MAPK12: variants seen among roughly 807,000 people sequenced by gnomAD.
MAPK12 encodes the protein mitogen-activated protein kinase 12, also known as MAP kinase 12.
MAPK12 carries 49 observed loss-of-function variants against 49.1 expected under a neutral mutation model. The observed-to-expected ratio is 1.00, with a 90% CI of 0.79 to 1.27. The LOEUF (loss-of-function observed/expected upper bound fraction) is 1.27. MAPK12 is among the 50% of genes most tolerant of loss of function. The pLI is 0.00. For missense variants in MAPK12, 554 were observed against 502.4 expected, an observed-to-expected ratio of 1.10 and a Z score of -0.98; for synonymous variants, 251 against 209.7, an observed-to-expected ratio of 1.20 and a Z score of -1.70.
At chr22:50,256,504 C>T (rs1473962154) in intron 6 of MAPK12, 95 bp downstream of exon 6, 1 of 1,485,530 alleles carries the variant, frequency 6.7e-7, no homozygotes, top group African/African-American at 1.4e-5. Flanking sequence ...AGCCTGGGAC[C>T]TTGGCCCCCT....
intron 11 of MAPK12, 21 bp from the exon 12 acceptor site, chr22:50,253,501 G>GGGAGA: frequency 2.8e-6 from 1 of 354,170 alleles, no homozygotes; most frequent in Non-Finnish European, 5.6e-6. Context: ...TGGGGGGGCG[G>GGGAGA]GCACAACAGA....
chr22:50,259,756 C>T (rs969286039), intron 2 of MAPK12, among the ~76,000 whole-genome samples: 3 of 151,800 alleles, frequency 2.0e-5, no homozygotes, highest in South Asian at 2.1e-4. Flanking sequence ...TGGTGGCGCG[C>T]GCCTGTAATC....
In MAPK12 at chr22:50,258,280, A is replaced by C. The variant is rs1569143397; in HGVS notation, c.277T>G (p.Phe93Val). The C allele has an allele frequency of 3.1e-6, 5 of 1,613,100 alleles. No homozygotes were observed. Among genetic ancestry groups the C allele is most frequent in the Non-Finnish European group, 4.2e-6 (5 of 1,179,986 alleles). ...TCATCCAGGGTCTCATCAGGAGTGA[A>C]TACGTCCAGCAGCCCGATCACCTGG... ...HENVIGLLDV[F>V]TPDETLDDFT... Residue 93 changes from phenylalanine (F) to valine (V), a missense_variant, in exon 3 of 12, where the codon TTC (phenylalanine) becomes GTC (valine). By Grantham distance (50) the Phe-to-Val change is conservative (BLOSUM62 -1). Coordinates refer to ENST00000215659, the MANE Select transcript of MAPK12 (RefSeq NM_002969.6).
chr22:50,255,489 C>T lies in MAPK12; in HGVS notation c.814G>A (p.Asp272Asn), dbSNP rs1187211689. 3.7e-6 allele frequency: 6 copies of T among 1,613,062 alleles called. No homozygotes were observed. In the African/African-American group the frequency reaches 5.3e-5, roughly 14 times the overall value. ...MKGLPELEKK[D>N]FASILTNASP... The stretch of plus-strand genomic sequence containing the variant: ...GCATTGGTCAGGATAGAGGCAAAAT[C>T]CTTCTTCTCCAATTCGGGGAGGCCC... Residue 272 changes from aspartate (D) to asparagine (N), a missense_variant, in exon 10 of 12, where the codon GAT becomes AAT. By Grantham distance (23) the Asp-to-Asn change is conservative. Coordinates refer to ENST00000215659, the MANE Select transcript of MAPK12 (RefSeq NM_002969.6).
chr22:50,253,501 G>T, intron 11 of MAPK12, 21 bp from the exon 12 acceptor site: 1 of 354,164 alleles, frequency 2.8e-6, no homozygotes, highest in South Asian at 2.1e-5. Context: ...TGGGGGGGCG[G>T]GCACAACAGA....
Position 50,258,239 on chromosome 22 carries a change from T to C in MAPK12, c.314+4A>G. 1 of 1,612,974 alleles carries C rather than the reference T, an allele frequency of 6.2e-7. No individual in the cohort carries two copies. Among genetic ancestry groups the C allele is most frequent in the Non-Finnish European group, 8.5e-7 (1 of 1,179,930 alleles). On this transcript the variant is annotated splice_donor_region_variant and intron_variant, in intron 3 of 11. Coordinates refer to ENST00000215659, the MANE Select transcript of MAPK12 (RefSeq NM_002969.6). ...CCCAGCGGCCAGCCCAGGTCGGCAC[T>C]CACAAGTCCGTGAAGTCATCCAGGG... is the stretch of plus-strand genomic sequence containing the variant.
At chr22:50,257,982 C>T (rs911163531) in intron 3 of MAPK12, 8 of 754,892 alleles carry the variant, frequency 1.1e-5, no homozygotes, top group Middle Eastern at 2.4e-4. Flanking sequence ...TTCACACCTC[C>T]GGTGCTGGAG....
Position 50,255,438 on chromosome 22 carries a change from A to G in MAPK12, c.850+15T>C, listed in dbSNP as rs1348967091. On this transcript the variant is annotated intron_variant, in intron 10 of 11. Coordinates refer to ENST00000215659, the MANE Select transcript of MAPK12 (RefSeq NM_002969.6). ...CACTCCAGCACCCGGTGGCCCCCAC[A>G]CTAGCCAGCCGTACCCAGAGGGCTT... 12 of 1,612,860 alleles carry G rather than the reference A, an allele frequency of 7.4e-6. No homozygotes were observed. The East Asian group carries it at 1.1e-4, about 15-fold the overall frequency.
chr22:50,253,214 C>T lies in MAPK12; in HGVS notation c.*187G>A, dbSNP rs780030895. ...AGGTCTTGTCCAGAAAGTTCAGGTG[C>T]TCCTCCATGATGGGCGCCCAAGAGC... On this transcript the variant is annotated 3_prime_UTR_variant, in exon 12 of 12. Transcript: ENST00000215659. The T allele has an allele frequency of 1.3e-5, 8 of 637,078 alleles. No homozygotes were observed. The highest frequency in any genetic ancestry group is 2.3e-5 in the Non-Finnish European group (8 of 349,846). The allele number at this position is 637,078 out of a possible 1,614,324, so 39.5% of individuals were successfully genotyped here.
rs2147255824 is a variant in MAPK12 at position 50,255,483 on chromosome 22, C to T, written c.820G>A (p.Ala274Thr). 4.3e-6 allele frequency: 7 copies of T among 1,613,162 alleles called. No individual in the cohort carries two copies. The highest frequency in any genetic ancestry group is 5.9e-6 in the Non-Finnish European group (7 of 1,180,002). ...GLPELEKKDF[A>T]SILTNASPLA... ...GGGCTTGCATTGGTCAGGATAGAGG[C>T]AAAATCCTTCTTCTCCAATTCGGGG... is the stretch of plus-strand genomic sequence containing the variant. The change falls in exon 10 of 12, where the codon GCC (alanine) becomes ACC (threonine). Residue 274 changes from alanine (A) to threonine (T), a missense_variant. By Grantham distance (58) the Ala-to-Thr change is moderately conservative. Coordinates refer to ENST00000215659, the MANE Select transcript of MAPK12 (RefSeq NM_002969.6).
intron 9 of MAPK12, 37 bp downstream of exon 9, chr22:50,255,578 G>GGGCCC: frequency 1.9e-6 from 3 of 1,581,950 alleles, no homozygotes; most frequent in Non-Finnish European, 2.6e-6. Flanking sequence ...GCCCAGGTCC[G>GGGCCC]CCCCCACCCC....
chr22:50,260,979 C>A (rs2065206192), intron 2 of MAPK12, 188 bp downstream of exon 2: 2 of 614,678 alleles, frequency 3.3e-6, no homozygotes, highest in South Asian at 4.7e-5. Flanking sequence ...GGGGAACGGC[C>A]CTTGGGGGAG....
At chr22:50,254,931 G>A (rs979478509) in intron 11 of MAPK12, 11 of 1,358,586 alleles carry the variant, frequency 8.1e-6, no homozygotes, top group Admixed American at 6.1e-5. Context: ...CCAGCCAGAG[G>A]TCATCTCCAC....
intron 2 of MAPK12, among the ~76,000 whole-genome samples, chr22:50,259,597 G>A (rs1033339782): frequency 2.6e-5 from 4 of 152,138 alleles, no homozygotes; most frequent in Admixed American, 2.6e-4. Context: ...AAAAGCCCCG[G>A]TGGAGCCCGG....
rs773318039 is a variant in MAPK12, at chr22:50,256,977, G to A, written c.427-13C>T. On this transcript the variant is annotated splice_polypyrimidine_tract_variant and intron_variant, in intron 4 of 11. Coordinates refer to ENST00000215659, the MANE Select transcript of MAPK12 (RefSeq NM_002969.6). The stretch of plus-strand genomic sequence containing the variant: ...CAGCGTGGATATACTGCGGGGGGCA[G>A]AGGATTTGGCAGGCTTCAGCGCACC... 4 of 1,606,812 alleles carry A rather than the reference G, an allele frequency of 2.5e-6. No individual in the cohort carries two copies. The highest frequency in any genetic ancestry group is 1.7e-4 in the Middle Eastern group (1 of 6,050).
At chr22:50,257,632 C>T (rs1014186968) in intron 3 of MAPK12, 19 of 574,508 alleles carry the variant, frequency 3.3e-5, no homozygotes, top group Non-Finnish European at 5.0e-5. Context: ...GATGGGGGCG[C>T]GGCAAGGCAT....
rs770795073 is a variant in MAPK12 at position 50,261,235 on chromosome 22, G to T, written c.187C>A (p.Gln63Lys). 8 of 1,585,108 alleles carry T rather than the reference G, an allele frequency of 5.0e-6. No individual in the cohort carries two copies. Among genetic ancestry groups the T allele is most frequent in the Non-Finnish European group, 6.9e-6 (8 of 1,167,254 alleles). Residue 63 changes from glutamine to lysine, a missense_variant, in exon 2 of 12, where the codon CAG (glutamine) becomes AAG (lysine). Physicochemically the swap from Gln to Lys is moderately conservative, Grantham distance 53. Coordinates refer to ENST00000215659, the MANE Select transcript of MAPK12 (RefSeq NM_002969.6). ...GCGCGCTTGGCGAACAGCTCGGACT[G>T]GAAAGGCCGATACAGCTTCTTGATG... ...VAIKKLYRPF[Q>K]SELFAKRAYR...
At position 50,257,876 on chromosome 22, in the gene MAPK12, G is replaced by A. The variant is rs781434424; in HGVS notation, c.314+367C>T. ...CCTCCCTACCGCTTCTCCCCCACCC[G>A]CTGGAAAAGGTCAGCAGCTCCAGTT... is the stretch of plus-strand genomic sequence containing the variant. On this transcript the variant is annotated intron_variant, in intron 3 of 11. Transcript: ENST00000215659. 64 of 763,350 alleles carry A rather than the reference G, an allele frequency of 8.4e-5. No homozygotes were observed. In the Middle Eastern group the frequency reaches 4.3e-3, roughly 51 times the overall value. 47.3% of individuals were successfully genotyped at this position (763,350 alleles called of 1,614,324 possible). A position where few individuals can be genotyped will look rare whatever the true frequency, so the allele number is the denominator to read the frequency against.
intron 11 of MAPK12, 69 bp downstream of exon 11, chr22:50,255,128 T>C: frequency 6.5e-7 from 1 of 1,536,282 alleles, no homozygotes; most frequent in African/African-American, 1.4e-5. Flanking sequence ...AACTCACAGG[T>C]CCACACAGGC....
Sources: gnomAD v4.1 joint callset for allele counts (sites outside exome capture counted in the v4.1 genomes callset) on GRCh38, gnomAD v4.1.1 for gene constraint, MANE v1.5 for transcripts, NCBI Gene and HGNC (gene_info 2026-07-23, HGNC 2026-07-21) for gene names.